ASIC2: variants seen among roughly 807,000 people sequenced by gnomAD.
ASIC2 encodes acid-sensing ion channel 2.
Under a neutral mutation model 57.3 loss-of-function variants are expected in ASIC2, and 25 were observed. The ratio of observed to expected loss-of-function variants is 0.44; its 90% confidence interval spans 0.32 to 0.61. ASIC2 has a LOEUF of 0.61. Ranked by LOEUF, ASIC2 falls within the 20% of genes least tolerant of loss-of-function variation. ASIC2 has a pLI of 0.06. For synonymous variants in ASIC2, 319 were observed against 307.5 expected (o/e 1.04, Z -0.39); for missense variants, 641 against 738.1 (o/e 0.87, Z 1.52).
At chr17:34,043,622 T>C (rs956437306) in intron 1 of ASIC2, among the ~76,000 whole-genome samples, 5 of 152,262 alleles carry the variant, frequency 3.3e-5, no homozygotes, top group South Asian at 2.1e-4. Flanking sequence ...ATGCAGAAAG[T>C]AGACATTCAG....
At chr17:33,559,378 G>A (rs544093093) in intron 1 of ASIC2, among the ~76,000 whole-genome samples, 1 of 152,104 alleles carries the variant, frequency 6.6e-6, no homozygotes, top group South Asian at 2.1e-4. Context: ...CCTGCTTCTG[G>A]TCAGTGGGAA....
At chr17:34,122,476 C>T (rs1233235428) in intron 1 of ASIC2, among the ~76,000 whole-genome samples, 4 of 152,216 alleles carry the variant, frequency 2.6e-5, no homozygotes, top group Admixed American at 1.3e-4. Flanking sequence ...CCTGCCACTT[C>T]GATATCGACT....
chr17:33,058,485 A>AC (rs2092007177), intron 3 of ASIC2, among the ~76,000 whole-genome samples: 1 of 151,638 alleles, frequency 6.6e-6, no homozygotes, highest in African/African-American at 2.4e-5. Flanking sequence ...AAAAAAAAAA[A>AC]AAAAAACAAA....
Position 33,847,286 on chromosome 17 carries a change from G to A in ASIC2, c.555+308692C>T, listed in dbSNP as rs113306553. On this transcript the variant is annotated intron_variant, in intron 1 of 9. Coordinates refer to the ASIC2 transcript ENST00000359872. ...CCTTAGTTTTCTCTTCTGTCAAGTG[G>A]GGAGAGTAACACCCTGCTTTATCCA... Among the ~76,000 whole-genome samples the A allele has an allele frequency of 6.1e-3, 929 of 151,898 alleles. 9 individuals carry two copies. The highest frequency in any genetic ancestry group is 0.021 in the African/African-American group (866 of 41,366).
intron 1 of ASIC2, among the ~76,000 whole-genome samples, chr17:34,128,065 C>T (rs1911840487): frequency 6.6e-6 from 1 of 152,124 alleles, no homozygotes; most frequent in Non-Finnish European, 1.5e-5. Context: ...CCACGGGTGC[C>T]TAACACCTTG....
At chr17:33,918,529 T>C (rs1915638413) in intron 1 of ASIC2, among the ~76,000 whole-genome samples, 1 of 152,222 alleles carries the variant, frequency 6.6e-6, no homozygotes, top group African/African-American at 2.4e-5. Context: ...AGCAGTTTCT[T>C]TTAAACACAT....
At position 33,049,542 on chromosome 17, in the gene ASIC2, A is replaced by C. The variant is rs116606378; in HGVS notation, c.988-21150T>G. Among the ~76,000 whole-genome samples the C allele has an allele frequency of 6.6e-3, 998 of 152,184 alleles. 5 individuals carry two copies. Among genetic ancestry groups the C allele is most frequent in the African/African-American group, 0.023 (947 of 41,494 alleles). ...ATTGACCCTTACAGTTGGAGTTGTT[A>C]CCTTAGATTTGATGAGATACACAGC... On this transcript the variant is annotated intron_variant, in intron 3 of 9. Transcript: ENST00000225823.
At chr17:33,081,654 T>C (rs2092113522) in intron 3 of ASIC2, among the ~76,000 whole-genome samples, 1 of 152,146 alleles carries the variant, frequency 6.6e-6, no homozygotes, top group Admixed American at 6.6e-5. Context: ...GATTGACAAA[T>C]GAGTCTTCCC....
At chr17:33,752,630 A>G (rs1910469571) in intron 1 of ASIC2, among the ~76,000 whole-genome samples, 1 of 152,214 alleles carries the variant, frequency 6.6e-6, no homozygotes, top group Non-Finnish European at 1.5e-5. Context: ...TGGATAGACC[A>G]TTTCCTTTTA....
intron 1 of ASIC2, among the ~76,000 whole-genome samples, chr17:33,477,376 C>T (rs1391084885): frequency 2.0e-5 from 3 of 152,262 alleles, no homozygotes; most frequent in African/African-American, 7.2e-5. Context: ...GTAGAAATAG[C>T]CCTGAATCAG....
At chr17:33,425,839 T>C (rs372616660) in intron 1 of ASIC2, among the ~76,000 whole-genome samples, 1 of 152,194 alleles carries the variant, frequency 6.6e-6, no homozygotes, top group East Asian at 1.9e-4. Context: ...ACAGAAAATG[T>C]GTGGGTGACT....
intron 3 of ASIC2, among the ~76,000 whole-genome samples, chr17:33,038,315 G>T (rs1207212853): frequency 6.6e-6 from 1 of 152,134 alleles, no homozygotes; most frequent in Non-Finnish European, 1.5e-5. Flanking sequence ...GGCTAAACAG[G>T]CCAGCAAATC....
intron 1 of ASIC2, among the ~76,000 whole-genome samples, chr17:34,153,285 C>T (rs1039867536): frequency 6.6e-6 from 1 of 152,168 alleles, no homozygotes; most frequent in Non-Finnish European, 1.5e-5. Context: ...AATAAGTCAG[C>T]CACCGCACTT....
intron 1 of ASIC2, among the ~76,000 whole-genome samples, chr17:33,139,074 A>C (rs1287007109): frequency 1.3e-5 from 2 of 152,056 alleles, no homozygotes; most frequent in Non-Finnish European, 2.9e-5. Context: ...ACAATCCCTA[A>C]ACCTCCTTCC....
intron 1 of ASIC2, among the ~76,000 whole-genome samples, chr17:33,572,833 G>A (rs1273846379): frequency 2.0e-5 from 3 of 152,146 alleles, no homozygotes; most frequent in Non-Finnish European, 4.4e-5. Context: ...CCATAGCCTG[G>A]CCTGGCTGGA....
chr17:33,367,096 C>T (rs1011602737), intron 1 of ASIC2, among the ~76,000 whole-genome samples: 15 of 152,214 alleles, frequency 9.9e-5, no homozygotes, highest in Admixed American at 5.2e-4. Flanking sequence ...GGTAATGAAG[C>T]GTGAAGAGTG....
At chr17:34,099,879 C>T (rs1910796956) in intron 1 of ASIC2, among the ~76,000 whole-genome samples, 2 of 152,176 alleles carry the variant, frequency 1.3e-5, no homozygotes, top group Admixed American at 1.3e-4. Flanking sequence ...AGGTAGAATA[C>T]ATGGTATGTG....
At chr17:33,867,645 A>C (rs1914277469) in intron 1 of ASIC2, among the ~76,000 whole-genome samples, 1 of 152,210 alleles carries the variant, frequency 6.6e-6, no homozygotes, top group South Asian at 2.1e-4. Context: ...CAGGGGGCTG[A>C]GGTTCTACTG....
At chr17:33,519,193 A>T (rs537454427) in intron 1 of ASIC2, among the ~76,000 whole-genome samples, 2 of 152,306 alleles carry the variant, frequency 1.3e-5, no homozygotes, top group South Asian at 4.1e-4. Context: ...GAAGTAGCTT[A>T]CCCAAGGTCA....
Sources: gnomAD v4.1 joint callset for allele counts (sites outside exome capture counted in the v4.1 genomes callset) on GRCh38, gnomAD v4.1.1 for gene constraint, MANE v1.5 for transcripts, NCBI Gene and HGNC (gene_info 2026-07-23, HGNC 2026-07-21) for gene names.